The following STK10 variants were observed in gnomAD, a reference collection of about 807,000 sequenced individuals.
STK10 encodes serine/threonine kinase 10.
A neutral mutation model predicts 113.8 loss-of-function variants in STK10; 78 were observed. The observed-to-expected ratio is 0.69, with a 90% confidence interval of 0.57 to 0.83. STK10 has a LOEUF of 0.83. Among genes scored for constraint, STK10 ranks in the 40% least tolerant of loss-of-function variants. The pLI is 0.00. For missense variants in STK10, 1,109 were observed against 1,280.1 expected (o/e 0.87, Z 2.04); for synonymous variants, 465 against 494.7 (o/e 0.94, Z 0.80).
chr5:172,176,577 C>T (rs977436426), intron 1 of STK10, among the ~76,000 whole-genome samples: 2 of 152,148 alleles, frequency 1.3e-5, no homozygotes, highest in African/African-American at 4.8e-5. Context: ...GCAATTGTGT[C>T]GCCTCTCTGG....
At chr5:172,063,336 G>A (rs1767975479) in intron 13 of STK10, 1 of 151,978 alleles carries the variant, frequency 6.6e-6, no homozygotes, top group Non-Finnish European at 1.5e-5. Context: ...TCTATCACAT[G>A]TGTTTGAATG....
At chr5:172,076,476 A>AGTTGTGGGGGCTGTCCTGTGCATTT (rs1768310587) in intron 12 of STK10, among the ~76,000 whole-genome samples, 2 of 38,148 alleles carry the variant, frequency 5.2e-5, no homozygotes, top group African/African-American at 3.4e-4. Context: ...CCTGTGCGTT[A>AGTTGTGGGGGCTGTCCTGTGCATTT]GTTGTGGGGG....
At chr5:172,147,381 G>A (rs1770106913) in intron 2 of STK10, among the ~76,000 whole-genome samples, 1 of 151,792 alleles carries the variant, frequency 6.6e-6, no homozygotes, top group African/African-American at 2.4e-5. Context: ...CTGCTGCTCA[G>A]ACTTTTCTTT....
Position 172,106,712 on chromosome 5 carries a change from C to G in STK10, c.696G>C (p.Gln232His). Residue 232 changes from glutamine to histidine, a missense_variant, in exon 6 of 19, where the codon CAG becomes CAC. Physicochemically the swap from Gln to His is conservative, Grantham distance 24. Transcript: ENST00000176763. ...SLGITLIEMA[Q>H]IEPPHHELNP... ...TGAGCTCGTGGTGTGGCGGCTCGAT[C>G]TGGGCCATCTCAATCAGCGTGATGC... 1 of 1,614,078 alleles carries G rather than the reference C, an allele frequency of 6.2e-7. No individual in the cohort carries two copies. Among genetic ancestry groups the G allele is most frequent in the Non-Finnish European group, 8.5e-7 (1 of 1,180,022 alleles).
chr5:172,145,786 C>T (rs1371243217), intron 2 of STK10, among the ~76,000 whole-genome samples: 1 of 152,180 alleles, frequency 6.6e-6, no homozygotes, highest in Non-Finnish European at 1.5e-5. Context: ...GTTGTGATCA[C>T]ATGGGATCAC....
intron 1 of STK10, among the ~76,000 whole-genome samples, chr5:172,182,657 G>A (rs1201853531): frequency 2.0e-5 from 3 of 149,804 alleles, no homozygotes; most frequent in African/African-American, 7.4e-5. Context: ...AATTTCAAGC[G>A]ATTCTCTTGC....
At chr5:172,138,410 C>T (rs766006117) in intron 2 of STK10, among the ~76,000 whole-genome samples, 1 of 152,174 alleles carries the variant, frequency 6.6e-6, no homozygotes, top group East Asian at 1.9e-4. Context: ...GCATGAGCCA[C>T]TGCGCCCAGC....
chr5:172,049,201 G>A (rs373268150), intron 18 of STK10, among the ~76,000 whole-genome samples: 30 of 152,256 alleles, frequency 2.0e-4, no homozygotes, highest in Non-Finnish European at 3.1e-4. Context: ...CTGAAACAGC[G>A]TGGGGCACTT....
chr5:172,095,569 C>A (rs193225840), intron 8 of STK10, among the ~76,000 whole-genome samples: 1 of 152,270 alleles, frequency 6.6e-6, no homozygotes, highest in African/African-American at 2.4e-5. Context: ...CCGGCAGCCA[C>A]CAGGGGCTCC....
intron 2 of STK10, among the ~76,000 whole-genome samples, chr5:172,155,161 A>G (rs1020577379): frequency 1.3e-5 from 2 of 152,140 alleles, no homozygotes; most frequent in African/African-American, 4.8e-5. Flanking sequence ...TTAATATCAA[A>G]AGTGGCTCTG....
chr5:172,045,471 G>A (rs561725698), intron 18 of STK10: 26 of 454,646 alleles, frequency 5.7e-5, no homozygotes, highest in South Asian at 2.5e-4. Flanking sequence ...GCGACGGTGC[G>A]AGACTCCATC....
intron 10 of STK10, among the ~76,000 whole-genome samples, chr5:172,084,390 A>T (rs926407010): frequency 6.8e-6 from 1 of 148,032 alleles, no homozygotes; most frequent in African/African-American, 2.6e-5. Flanking sequence ...ACAAGGGCAA[A>T]ATTCTGTCTC....
intron 3 of STK10, among the ~76,000 whole-genome samples, chr5:172,119,679 A>G (rs1478110197): frequency 6.6e-6 from 1 of 151,078 alleles, no homozygotes; most frequent in African/African-American, 2.5e-5. Context: ...CCTGGCTAAA[A>G]CGGTGAAACC....
chr5:172,113,596 T>C (rs1769297095), intron 4 of STK10, among the ~76,000 whole-genome samples: 1 of 152,162 alleles, frequency 6.6e-6, no homozygotes, highest in African/African-American at 2.4e-5. Flanking sequence ...TGTATATATA[T>C]ATAATAATCC....
Position 172,082,299 on chromosome 5 carries a change from C to T in STK10, c.1989+27G>A. 1 of 1,496,708 alleles carries T rather than the reference C, an allele frequency of 6.7e-7. No homozygotes were observed. The highest frequency in any genetic ancestry group is 1.4e-5 in the South Asian group (1 of 73,730). The allele number at this position is 1,496,708 out of a possible 1,614,324, so 92.7% of individuals were successfully genotyped here. On this transcript the variant is annotated intron_variant, in intron 12 of 18. Coordinates refer to ENST00000176763, the MANE Select transcript of STK10 (RefSeq NM_005990.4). The surrounding 1 kb of genome is among the most constrained non-coding windows in gnomAD (Gnocchi z 4.3). ...GAAGGCCCCTAATACTCCGAGATGC[C>T]CCTGCCCCCACTGAGCACATACTCA...
rs139075094 is a variant in STK10 at position 172,096,471 on chromosome 5, G to A, written c.960C>T (p.Asp320=). 40 of 1,613,444 alleles carry A rather than the reference G, an allele frequency of 2.5e-5. No individual in the cohort carries two copies. Among genetic ancestry groups the A allele is most frequent in the East Asian group, 1.3e-4 (6 of 44,898 alleles). ...AKAEVMEEIE[D]GRDEGEEEDA... The stretch of plus-strand genomic sequence containing the variant: ...CCTCCTCTTCCCCCTCATCCCGGCC[G>A]TCTTCGATCTCTTCCATCACCTCGG... The change falls in exon 8 of 19, where the codon GAC becomes GAT. Residue 320 remains aspartate (D), a synonymous_variant. Coordinates refer to ENST00000176763, the MANE Select transcript of STK10 (RefSeq NM_005990.4).
intron 9 of STK10, among the ~76,000 whole-genome samples, chr5:172,091,963 T>C (rs895114356): frequency 6.6e-6 from 1 of 152,130 alleles, no homozygotes; most frequent in Non-Finnish European, 1.5e-5. Context: ...CCACTCCTGC[T>C]GAGTCGAGAG....
chr5:172,187,487 G>A lies in STK10; in HGVS notation c.156+400C>T, dbSNP rs1466032985. ...CCTCGATATTCCCACAGCATCTGTG[G>A]TCTCTCTTAAAAAAAAAAGTGTGCC... On this transcript the variant is annotated intron_variant, in intron 1 of 18. Transcript: ENST00000176763. This position sits in a 1 kb window ranked among gnomAD's most constrained non-coding sequence, Gnocchi z 4.6. 1.3e-5 allele frequency among the ~76,000 whole-genome samples: 2 copies of A among 151,446 alleles called. No individual in the cohort carries two copies. The highest frequency in any genetic ancestry group is 2.1e-4 in the South Asian group (1 of 4,776).
intron 13 of STK10, among the ~76,000 whole-genome samples, chr5:172,062,959 T>G (rs1767968144): frequency 6.6e-6 from 1 of 152,230 alleles, no homozygotes; most frequent in Admixed American, 6.5e-5. Context: ...TGTTATAATG[T>G]GATCTTCTGG....
Sources: allele counts gnomAD v4.1 joint callset (sites outside exome capture counted in the v4.1 genomes callset), GRCh38; gene constraint gnomAD v4.1.1; non-coding constraint Gnocchi (gnomAD v3.1); transcripts MANE v1.5; gene names NCBI Gene and HGNC (gene_info 2026-07-23, HGNC 2026-07-21).